Variants in SGCZ observed in about 807,000 individuals in gnomAD.
The protein encoded by SGCZ is zeta-sarcoglycan.
Under a neutral mutation model 41.3 loss-of-function variants are expected in SGCZ, and 40 were observed. The observed-to-expected ratio is 0.97, with a 90% CI of 0.75 to 1.26. SGCZ has a LOEUF of 1.26. Among genes scored for constraint, SGCZ ranks in the 50% most tolerant of loss-of-function variants. The pLI is 0.00. For missense variants in SGCZ, 552 were observed against 369.8 expected (o/e 1.49, Z -4.04); for synonymous variants, 206 against 137.5 (o/e 1.50, Z -3.49).
At chr8:14,663,151 G>T (rs937530210) in intron 1 of SGCZ, among the ~76,000 whole-genome samples, 2 of 152,060 alleles carry the variant, frequency 1.3e-5, no homozygotes, top group Non-Finnish European at 2.9e-5. Context: ...AATTCTTGAA[G>T]GAACAATAGA....
chr8:14,317,292 A>G (rs1378706076), intron 3 of SGCZ, among the ~76,000 whole-genome samples: 1 of 152,068 alleles, frequency 6.6e-6, no homozygotes, highest in Non-Finnish European at 1.5e-5. Flanking sequence ...TTAAAATATT[A>G]GGTGCTACTA....
chr8:14,512,389 A>G (rs1362253378), intron 2 of SGCZ, among the ~76,000 whole-genome samples: 1 of 152,112 alleles, frequency 6.6e-6, no homozygotes, highest in East Asian at 1.9e-4. Flanking sequence ...TTTATTTTCC[A>G]TTGGTATTTT....
intron 2 of SGCZ, among the ~76,000 whole-genome samples, chr8:14,450,009 G>A (rs1019728841): frequency 1.7e-4 from 26 of 152,196 alleles, no homozygotes; most frequent in African/African-American, 6.0e-4. Context: ...AATGTAATAT[G>A]ATCCAGAACT....
intron 5 of SGCZ, among the ~76,000 whole-genome samples, chr8:14,153,940 G>C (rs6530727): frequency 0.46 from 65,888 of 142,790 alleles, 17,606 homozygotes; most frequent in Non-Finnish European, 0.62. Context: ...CACACACACA[G>C]ACACACACAC....
At chr8:15,052,084 A>G (rs1804535020) in intron 1 of SGCZ, among the ~76,000 whole-genome samples, 1 of 152,152 alleles carries the variant, frequency 6.6e-6, no homozygotes, top group South Asian at 2.1e-4. Context: ...ACGTTGAGAA[A>G]AGCATGGTTT....
intron 1 of SGCZ, among the ~76,000 whole-genome samples, chr8:15,087,986 C>T (rs1450996213): frequency 6.8e-6 from 1 of 146,762 alleles, no homozygotes; most frequent in Non-Finnish European, 1.5e-5. Flanking sequence ...CTATATACCT[C>T]ATATGTCATT....
At chr8:14,664,828 T>C (rs1006156443) in intron 1 of SGCZ, among the ~76,000 whole-genome samples, 1 of 152,092 alleles carries the variant, frequency 6.6e-6, no homozygotes, top group Non-Finnish European at 1.5e-5. Context: ...TCAAAGAAAA[T>C]AGCATCTGCT....
At chr8:14,116,700 C>T (rs1802534162) in intron 5 of SGCZ, among the ~76,000 whole-genome samples, 1 of 151,980 alleles carries the variant, frequency 6.6e-6, no homozygotes, top group South Asian at 2.1e-4. Context: ...TATCACTTGC[C>T]ATGTAATTCA....
intron 1 of SGCZ, among the ~76,000 whole-genome samples, chr8:14,769,193 A>G (rs1800145776): frequency 6.6e-6 from 1 of 152,168 alleles, no homozygotes; most frequent in Non-Finnish European, 1.5e-5. Flanking sequence ...AAGACAAATA[A>G]TGATGGTAAT....
intron 1 of SGCZ, among the ~76,000 whole-genome samples, chr8:15,046,939 C>T (rs917337233): frequency 6.6e-6 from 1 of 151,858 alleles, no homozygotes; most frequent in African/African-American, 2.4e-5. Flanking sequence ...GAAAAACTTT[C>T]AAAATTGTTC....
At chr8:14,519,652 C>T (rs7836262) in intron 2 of SGCZ, among the ~76,000 whole-genome samples, 96,629 of 151,904 alleles carry the variant, frequency 0.64, 31,488 homozygotes, top group South Asian at 0.75. Context: ...TACCTTTCTT[C>T]GTGTATATTT....
intron 2 of SGCZ, among the ~76,000 whole-genome samples, chr8:14,475,247 A>C (rs892951714): frequency 6.6e-6 from 1 of 152,148 alleles, no homozygotes; most frequent in Non-Finnish European, 1.5e-5. Context: ...GTATATTTCA[A>C]TATCTAAATA....
chr8:15,226,541 C>T (rs994175571), intron 1 of SGCZ, among the ~76,000 whole-genome samples: 1 of 152,092 alleles, frequency 6.6e-6, no homozygotes, highest in Non-Finnish European at 1.5e-5. Flanking sequence ...TTGAGGGTGC[C>T]CTTAGGCATT....
chr8:14,333,057 A>G (rs1274224782), intron 2 of SGCZ, among the ~76,000 whole-genome samples: 1 of 152,060 alleles, frequency 6.6e-6, no homozygotes, highest in Non-Finnish European at 1.5e-5. Context: ...AGAAAAAAAT[A>G]TATTTTTCTA....
At chr8:14,504,980 C>T (rs1472856846) in intron 2 of SGCZ, among the ~76,000 whole-genome samples, 2 of 151,934 alleles carry the variant, frequency 1.3e-5, no homozygotes, top group Non-Finnish European at 2.9e-5. Context: ...TGTTGCATTG[C>T]TTTTTTCGGT....
intron 1 of SGCZ, among the ~76,000 whole-genome samples, chr8:15,027,331 G>A (rs968124080): frequency 5.9e-5 from 9 of 152,052 alleles, no homozygotes; most frequent in Admixed American, 2.0e-4. Context: ...ACAACCCAGT[G>A]CTTTATTTAA....
chr8:15,013,062 T>C (rs902625474), intron 1 of SGCZ, among the ~76,000 whole-genome samples: 1 of 152,116 alleles, frequency 6.6e-6, no homozygotes, highest in African/African-American at 2.4e-5. Flanking sequence ...GAAATGGATT[T>C]ATGGTAACAT....
chr8:14,257,914 A>G (rs1050439090), intron 3 of SGCZ, among the ~76,000 whole-genome samples: 21 of 152,226 alleles, frequency 1.4e-4, no homozygotes, highest in Non-Finnish European at 2.9e-4. Context: ...AGATATAGAT[A>G]TAGATATATA....
At chr8:14,812,208 A>T (rs1175795962) in intron 1 of SGCZ, among the ~76,000 whole-genome samples, 3 of 152,018 alleles carry the variant, frequency 2.0e-5, no homozygotes, top group Non-Finnish European at 2.9e-5. Context: ...TTTTTAAAGC[A>T]ATTTTTTGGG....
Sources: gnomAD v4.1 joint callset for allele counts (sites outside exome capture counted in the v4.1 genomes callset) on GRCh38, gnomAD v4.1.1 for gene constraint, MANE v1.5 for transcripts, NCBI Gene and HGNC (gene_info 2026-07-23, HGNC 2026-07-21) for gene names.